The following GREM2 variants were observed in gnomAD, a reference collection of about 807,000 sequenced individuals.
The protein encoded by GREM2 is gremlin 2, DAN family BMP antagonist.
Under a neutral mutation model 14.2 loss-of-function variants are expected in GREM2, and 11 were observed. The observed-to-expected ratio is 0.78, with a 90% CI of 0.49 to 1.28. The LOEUF (loss-of-function observed/expected upper bound fraction) is 1.28. Among genes scored for constraint, GREM2 ranks in the 50% most tolerant of loss-of-function variants. The pLI is 0.00. For missense variants in GREM2, 210 were observed against 218.5 expected (o/e 0.96, Z 0.24); for synonymous variants, 98 against 97.6 (o/e 1.00, Z -0.02).
At chr1:240,547,947 G>A (rs895817227) in intron 1 of GREM2, among the ~76,000 whole-genome samples, 4 of 151,896 alleles carry the variant, frequency 2.6e-5, no homozygotes, top group Non-Finnish European at 5.9e-5. Flanking sequence ...AGAAAGGAAG[G>A]TAGGAGTGAT....
At chr1:240,495,014 T>C (rs979699748) in intron 1 of GREM2, among the ~76,000 whole-genome samples, 1 of 152,208 alleles carries the variant, frequency 6.6e-6, no homozygotes, top group East Asian at 1.9e-4. Context: ...ACAAATTCAA[T>C]AGGAATGAGA....
At chr1:240,611,298 G>T (rs1253320564) in intron 1 of GREM2, among the ~76,000 whole-genome samples, 2 of 152,174 alleles carry the variant, frequency 1.3e-5, no homozygotes, top group Admixed American at 6.5e-5. Context: ...TACACAGGAA[G>T]GATCACTGAC....
intron 1 of GREM2, among the ~76,000 whole-genome samples, chr1:240,585,776 A>T (rs1679588064): frequency 1.3e-5 from 2 of 149,484 alleles, no homozygotes; most frequent in South Asian, 4.3e-4. Context: ...AGTTCCAACC[A>T]GGTGGAGGGC....
chr1:240,497,021 CAA>C (rs57502043), intron 1 of GREM2, among the ~76,000 whole-genome samples: 2 of 141,318 alleles, frequency 1.4e-5, no homozygotes, highest in African/African-American at 5.2e-5. Context: ...AACTCCATCT[CAA>C]AAAAAAAAAA....
chr1:240,502,202 A>G (rs544082517), intron 1 of GREM2, among the ~76,000 whole-genome samples: 4 of 152,282 alleles, frequency 2.6e-5, no homozygotes, highest in Admixed American at 2.6e-4. Context: ...GAACAAAATC[A>G]AAAATATCCT....
intron 1 of GREM2, among the ~76,000 whole-genome samples, chr1:240,528,953 C>A (rs1678287768): frequency 6.6e-6 from 1 of 152,128 alleles, no homozygotes; most frequent in Admixed American, 6.5e-5. Flanking sequence ...GAAAGGAGCA[C>A]TTGATGAGTC....
In GREM2 at chr1:240,491,486, G is replaced by C. The variant is rs909735431; in HGVS notation, c.*1483C>G. 6.5e-5 allele frequency: 10 copies of C among 152,690 alleles called. No homozygotes were observed. Among genetic ancestry groups the C allele is most frequent in the African/African-American group, 2.2e-4 (9 of 41,562 alleles). The allele number at this position is 152,690 out of a possible 1,614,324, so 9.5% of individuals were successfully genotyped here. On this transcript the variant is annotated 3_prime_UTR_variant, in exon 2 of 2. Coordinates refer to ENST00000318160, the MANE Select transcript of GREM2 (RefSeq NM_022469.4). ...AGTATATAATTTCGCTGGAAAATAA[G>C]TTACGTCTACTTCCGTATATCAAGA...
Position 240,510,098 on chromosome 1 carries a change from G to A in GREM2, c.-1-16622C>T, listed in dbSNP as rs184440889. ...AAAAAGCAAATGGTAGGCCGGGTGC[G>A]GTGGCTCACGCCTGTAATCCCAGCA... is the stretch of plus-strand genomic sequence containing the variant. On this transcript the variant is annotated intron_variant, in intron 1 of 1. Transcript: ENST00000318160. Among the ~76,000 whole-genome samples, 48 of 152,164 alleles carry A rather than the reference G, an allele frequency of 3.2e-4. No homozygotes were observed. In the East Asian group the frequency reaches 3.9e-3, roughly 12 times the overall value.
At chr1:240,568,999 T>G (rs760607230) in intron 1 of GREM2, among the ~76,000 whole-genome samples, 34 of 151,940 alleles carry the variant, frequency 2.2e-4, no homozygotes, top group Non-Finnish European at 4.3e-4. Context: ...TGCAGTGAAC[T>G]AGGATTGTGC....
At chr1:240,561,518 G>A (rs1359880969) in intron 1 of GREM2, among the ~76,000 whole-genome samples, 3 of 152,066 alleles carry the variant, frequency 2.0e-5, no homozygotes, top group Non-Finnish European at 4.4e-5. Flanking sequence ...AGACCTTTTG[G>A]TTCCATAAAT....
At chr1:240,591,987 A>C (rs1465262991) in intron 1 of GREM2, among the ~76,000 whole-genome samples, 2 of 152,236 alleles carry the variant, frequency 1.3e-5, no homozygotes, top group Admixed American at 6.5e-5. Flanking sequence ...AAAATTTTAC[A>C]GTCTGGTTCC....
intron 1 of GREM2, among the ~76,000 whole-genome samples, chr1:240,575,901 G>GAAA (rs200904291): frequency 7.6e-4 from 99 of 130,502 alleles, no homozygotes; most frequent in African/African-American, 2.6e-3. Context: ...TGCTCTGCTG[G>GAAA]AAAAAAAAAA....
At chr1:240,559,845 T>G (rs2103348812) in intron 1 of GREM2, among the ~76,000 whole-genome samples, 1 of 152,336 alleles carries the variant, frequency 6.6e-6, no homozygotes, top group East Asian at 1.9e-4. Flanking sequence ...AGTCTGGCAT[T>G]TTAATTAAAA....
In GREM2 at chr1:240,493,402, C is replaced by G. The variant is rs779533393; in HGVS notation, c.74G>C (p.Arg25Pro). The change falls in exon 2 of 2, where the codon CGG (arginine) becomes CCG (proline). Residue 25 changes from arginine to proline, a missense_variant. Arg to Pro is a moderately radical substitution (Grantham distance 103). Coordinates refer to ENST00000318160, the MANE Select transcript of GREM2 (RefSeq NM_022469.4). ...AGGCGAGGGGATGGCGCCCGCCGGC[C>G]GGTTCTTCCGGGCTTCCGCCACCTT... ...LVKVAEARKN[R>P]PAGAIPSPYK... 1 of 1,613,464 alleles carries G rather than the reference C, an allele frequency of 6.2e-7. No homozygotes were observed. The highest frequency in any genetic ancestry group is 8.5e-7 in the Non-Finnish European group (1 of 1,179,864).
In GREM2 at chr1:240,491,664, T is replaced by G. The variant is rs1677252348; in HGVS notation, c.*1305A>C. The G allele has an allele frequency of 6.6e-6, 1 of 152,642 alleles. No homozygotes were observed. The highest frequency in any genetic ancestry group is 1.5e-5 in the Non-Finnish European group (1 of 68,046). 9.5% of individuals were successfully genotyped at this position (152,642 alleles called of 1,614,324 possible). ...CTATTCTATATCTTTTATTCCTTACTCCCTTCTATACCACAAAGCGACTCA... is the reference window on the plus strand; with the variant it reads ...CTATTCTATATCTTTTATTCCTTACGCCCTTCTATACCACAAAGCGACTCA... On this transcript the variant is annotated 3_prime_UTR_variant, in exon 2 of 2. Coordinates refer to ENST00000318160, the MANE Select transcript of GREM2 (RefSeq NM_022469.4).
At chr1:240,520,004 C>G (rs1246619086) in intron 1 of GREM2, among the ~76,000 whole-genome samples, 1 of 151,940 alleles carries the variant, frequency 6.6e-6, no homozygotes, top group South Asian at 2.1e-4. Flanking sequence ...CGCTTGAACC[C>G]GAGAGACGGA....
At chr1:240,561,384 G>A (rs574444816) in intron 1 of GREM2, among the ~76,000 whole-genome samples, 4 of 152,048 alleles carry the variant, frequency 2.6e-5, no homozygotes, top group Admixed American at 2.0e-4. Flanking sequence ...TGAACAGAGC[G>A]AAGCCAAATA....
At chr1:240,512,400 G>A (rs570920754) in intron 1 of GREM2, among the ~76,000 whole-genome samples, 44 of 152,112 alleles carry the variant, frequency 2.9e-4, no homozygotes, top group Admixed American at 8.5e-4. Flanking sequence ...ACTCAGCACC[G>A]GGCTAGTAGA....
intron 1 of GREM2, among the ~76,000 whole-genome samples, chr1:240,585,152 A>G (rs1200006899): frequency 6.6e-6 from 1 of 152,132 alleles, no homozygotes; most frequent in Admixed American, 6.5e-5. Context: ...AGTGAGAATC[A>G]ATTTAGGCAA....
Sources: allele counts gnomAD v4.1 joint callset (sites outside exome capture counted in the v4.1 genomes callset), GRCh38; gene constraint gnomAD v4.1.1; transcripts MANE v1.5; gene names NCBI Gene and HGNC (gene_info 2026-07-23, HGNC 2026-07-21).